Variants in HERC6 observed in about 807,000 individuals in gnomAD.
The protein encoded by HERC6 is HECT and RLD domain containing E3 ubiquitin protein ligase family member 6, also known as probable E3 ubiquitin-protein ligase HERC6.
Under a neutral mutation model 114.5 loss-of-function variants are expected in HERC6, and 101 were observed. The observed-to-expected ratio is 0.88, with a 90% CI of 0.75 to 1.04. The LOEUF is 1.04. Ranked by LOEUF, HERC6 falls within the 50% of genes least tolerant of loss-of-function variation. HERC6 has a pLI of 0.00. For missense variants in HERC6, 1,133 were observed against 1,230.9 expected (o/e 0.92, Z 1.19); for synonymous variants, 408 against 436.2 (o/e 0.94, Z 0.81).
chr4:88,417,248 T>C lies in HERC6; in HGVS notation c.1559-177T>C, dbSNP rs527997671. ...ATGATACTTAATAAGGGAAAAAAAT[T>C]TCCACATCTGTGAGCAGTAACTGTT... On this transcript the variant is annotated intron_variant, in intron 12 of 22. Transcript: ENST00000264346. 1.1e-4 allele frequency among the ~76,000 whole-genome samples: 17 copies of C among 152,326 alleles called. No homozygotes were observed. The South Asian group carries it at 3.3e-3, about 30-fold the overall frequency.
In HERC6 at chr4:88,424,706, T is replaced by C. The variant is rs1737426181; in HGVS notation, c.1935+4T>C. On this transcript the variant is annotated splice_donor_region_variant and intron_variant, in intron 15 of 22. Transcript: ENST00000264346. ...TGATTCACATATAAAGATGCAGGTA[T>C]GTATGTCCTATTTTTTAGTATGAAA... The C allele has an allele frequency of 2.0e-6, 3 of 1,534,216 alleles. No homozygotes were observed. The highest frequency in any genetic ancestry group is 2.3e-5 in the South Asian group (2 of 85,612).
chr4:88,440,098 T>G, intron 21 of HERC6, 41 bp downstream of exon 21: 1 of 1,604,690 alleles, frequency 6.2e-7, no homozygotes, highest in Non-Finnish European at 8.5e-7. Context: ...CCGAACAACT[T>G]CTATATATTC....
At chr4:88,393,647 T>A in intron 5 of HERC6, 65 bp downstream of exon 5, 1 of 938,400 alleles carries the variant, frequency 1.1e-6, no homozygotes, top group Non-Finnish European at 1.7e-6. Context: ...ACATATGTAC[T>A]AATTATTGTT....
Position 88,398,218 on chromosome 4 carries a change from T to C in HERC6, c.1092+9T>C. On this transcript the variant is annotated intron_variant, in intron 8 of 22. Transcript: ENST00000264346. ...TTGTGACAACTCATCAGGTATCTAT[T>C]ATACTTTTTGTTCCTCTTAAAAATT... 6.5e-7 allele frequency: 1 copy of C among 1,546,510 alleles called. No homozygotes were observed. Among genetic ancestry groups the C allele is most frequent in the Non-Finnish European group, 8.7e-7 (1 of 1,146,908 alleles).
chr4:88,379,378 C>G (rs937518041), intron 1 of HERC6, among the ~76,000 whole-genome samples: 1 of 151,994 alleles, frequency 6.6e-6, no homozygotes, highest in Non-Finnish European at 1.5e-5. Flanking sequence ...GAGCAACTTC[C>G]TCAGTTTCGT....
chr4:88,423,937 A>G lies in HERC6; in HGVS notation c.1791A>G (p.Ile597Met). ...TCTCCAACTTATTAAACTTTTATATAGATAGAGGAAGACAGCTCTTTCGGG... is the reference window on the plus strand; with the variant it reads ...TCTCCAACTTATTAAACTTTTATATGGATAGAGGAAGACAGCTCTTTCGGG... ...NELSNLLNFY[I>M]DRGRQLFRDN... Residue 597 changes from isoleucine to methionine, a missense_variant, in exon 14 of 23, where the codon ATA (isoleucine) becomes ATG (methionine). By Grantham distance (10) the Ile-to-Met change is conservative (BLOSUM62 1). Around this residue, in one of 3 missense-constraint regions of HERC6, gnomAD observed 735 missense variants for 754.0 expected, o/e 0.97. Coordinates refer to ENST00000264346, the MANE Select transcript of HERC6 (RefSeq NM_017912.4). 5 of 1,550,508 alleles carry G rather than the reference A, an allele frequency of 3.2e-6. No individual in the cohort carries two copies. The highest frequency in any genetic ancestry group is 4.4e-6 in the Non-Finnish European group (5 of 1,145,672).
intron 8 of HERC6, 100 bp downstream of exon 8, chr4:88,398,309 TA>T (rs1304156107): frequency 1.7e-6 from 1 of 575,798 alleles, no homozygotes; most frequent in African/African-American, 2.0e-5. Context: ...TCAGGTCTTT[TA>T]CTAAAACAAT....
chr4:88,405,067 T>C (rs1247938454), intron 9 of HERC6, 70 bp downstream of exon 9: 4 of 1,557,288 alleles, frequency 2.6e-6, no homozygotes, highest in Admixed American at 2.0e-5. Flanking sequence ...TATCCTAAGA[T>C]AGAGGTTTTG....
At chr4:88,430,569 CAAATAAATAAATAAAT>C (rs375978104) in intron 16 of HERC6, among the ~76,000 whole-genome samples, 30 of 141,308 alleles carry the variant, frequency 2.1e-4, no homozygotes, top group Middle Eastern at 3.6e-3. Context: ...GACTCCATCT[CAAATAAATAAATAAAT>C]AAATAAATAA....
chr4:88,378,942 CGACTCCA>C lies in HERC6; in HGVS notation c.23_29del (p.Asp8GlyfsTer30). On this transcript the variant is annotated frameshift_variant, in exon 1 of 23. Transcript: ENST00000264346. LOFTEE classifies it high-confidence loss of function. ...GCGGGATGTACTTCTGTTGGGGCGC[CGACTCCA>C]GGGAGCTGCAGCGCCGGAGGACGGC... 6.3e-7 allele frequency: 1 copy of C among 1,593,982 alleles called. No homozygotes were observed. The highest frequency in any genetic ancestry group is 8.5e-7 in the Non-Finnish European group (1 of 1,171,196).
intron 4 of HERC6, among the ~76,000 whole-genome samples, chr4:88,392,832 G>A (rs1453396925): frequency 6.6e-6 from 1 of 152,196 alleles, no homozygotes; most frequent in Non-Finnish European, 1.5e-5. Flanking sequence ...TTCTAGCAAT[G>A]GCCAGTACAC....
At chr4:88,412,067 C>T (rs1370736778) in intron 11 of HERC6, among the ~76,000 whole-genome samples, 1 of 152,146 alleles carries the variant, frequency 6.6e-6, no homozygotes, top group African/African-American at 2.4e-5. Flanking sequence ...ATGGTAGTGC[C>T]ACAGTCACTT....
At position 88,413,171 on chromosome 4, in the gene HERC6, GT is replaced by G; in HGVS notation, c.1464del (p.Pro489LeufsTer2). The G allele has an allele frequency of 6.2e-7, 1 of 1,613,494 alleles. No individual in the cohort carries two copies. The highest frequency in any genetic ancestry group is 8.5e-7 in the Non-Finnish European group (1 of 1,179,522). On this transcript the variant is annotated frameshift_variant, in exon 12 of 23. Transcript: ENST00000264346. LOFTEE classifies it high-confidence loss of function. ...ALSVFLLLPE[C>X]PVMHDSKNWK... ...TCAGTTTTCCTCCTGCTCCCAGAAT[GT>G]CCTGTGATGCATGATTCTAAGAACT... is the stretch of plus-strand genomic sequence containing the variant.
intron 20 of HERC6, among the ~76,000 whole-genome samples, chr4:88,438,478 AG>A (rs1301845406): frequency 6.6e-6 from 1 of 152,168 alleles, no homozygotes; most frequent in Non-Finnish European, 1.5e-5. Flanking sequence ...TCCTGAGCTC[AG>A]GCAGTCCTCA....
Position 88,417,485 on chromosome 4 carries a change from C to A in HERC6, c.1619C>A (p.Ala540Glu). 2 of 1,611,640 alleles carry A rather than the reference C, an allele frequency of 1.2e-6. No homozygotes were observed. The highest frequency in any genetic ancestry group is 2.2e-5 in the South Asian group (2 of 90,550). Residue 540 changes from alanine to glutamate, a missense_variant, in exon 13 of 23, where the codon GCA (alanine) becomes GAA (glutamate). Coordinates refer to ENST00000264346, the MANE Select transcript of HERC6 (RefSeq NM_017912.4). Reference sequence around the variant, plus strand: ...AATCCGCTGATCCAGATGCTTAAAGCAGCCATCATCTCTCAGCTGCTTCAT... The same window carrying A: ...AATCCGCTGATCCAGATGCTTAAAGAAGCCATCATCTCTCAGCTGCTTCAT... ...SLNPLIQMLK[A>E]AIISQLLHQT...
chr4:88,420,806 T>C lies in HERC6; in HGVS notation c.1714-3054T>C, dbSNP rs75090788. Reference sequence around the variant, plus strand: ...AAAAATAAATAAATAAAATGTGCAATGTAATACTTTTTAGCATATTCATGG... The same window carrying C: ...AAAAATAAATAAATAAAATGTGCAACGTAATACTTTTTAGCATATTCATGG... On this transcript the variant is annotated intron_variant, in intron 13 of 22. Coordinates refer to ENST00000264346, the MANE Select transcript of HERC6 (RefSeq NM_017912.4). Among the ~76,000 whole-genome samples, 1,436 of 152,262 alleles carry C rather than the reference T, an allele frequency of 9.4e-3. 21 individuals are homozygous for C. The highest frequency in any genetic ancestry group is 0.033 in the African/African-American group (1,363 of 41,552).
At position 88,442,525 on chromosome 4, in the gene HERC6, AAAT is replaced by A; in HGVS notation, c.*70_*72del. ...GATCCTTCTGTTCTTCCTTACACCT[AAAT>A]AATACAAGAGATTAATGAATAGTGG... On this transcript the variant is annotated 3_prime_UTR_variant, in exon 23 of 23. Coordinates refer to ENST00000264346, the MANE Select transcript of HERC6 (RefSeq NM_017912.4). 1 of 1,133,366 alleles carries A rather than the reference AAAT, an allele frequency of 8.8e-7. No individual in the cohort carries two copies. The allele number at this position is 1,133,366 out of a possible 1,614,324, so 70.2% of individuals were successfully genotyped here.
chr4:88,419,038 T>G (rs1374611032), intron 13 of HERC6, among the ~76,000 whole-genome samples: 1 of 152,194 alleles, frequency 6.6e-6, no homozygotes. Context: ...GATATGTGAT[T>G]TATAAATGAA....
rs28380626 is a variant in HERC6, at chr4:88,382,653, A to G, written c.200-568A>G. Among the ~76,000 whole-genome samples, 624 of 152,310 alleles carry G rather than the reference A, an allele frequency of 4.1e-3. 4 individuals carry two copies. The highest frequency in any genetic ancestry group is 0.014 in the African/African-American group (577 of 41,564). ...GGTAATTGAATGTTTTTAAGAGTCA[A>G]TTTGAACATTCAGCAGTTCATGAAT... On this transcript the variant is annotated intron_variant, in intron 1 of 22. Transcript: ENST00000264346.
Sources: allele counts gnomAD v4.1 joint callset (sites outside exome capture counted in the v4.1 genomes callset), GRCh38; gene constraint gnomAD v4.1.1; regional missense constraint gnomAD v4.1.1; transcripts MANE v1.5; gene names NCBI Gene and HGNC (gene_info 2026-07-23, HGNC 2026-07-21).